Variants in MNAT1 observed in about 807,000 individuals in gnomAD.
MNAT1 encodes CDK-activating kinase assembly factor MAT1.
MNAT1 carries 43 observed loss-of-function variants against 42.0 expected under a neutral mutation model. The observed-to-expected ratio is 1.02, with a 90% CI of 0.80 to 1.32. MNAT1 has a LOEUF of 1.32. Ranked by LOEUF, MNAT1 falls within the 40% of genes most tolerant of loss-of-function variation. The pLI, the probability that MNAT1 is intolerant of heterozygous loss-of-function variation, is 0.00. For missense variants in MNAT1, 306 were observed against 350.4 expected (o/e 0.87, Z 1.01); for synonymous variants, 118 against 120.0 (o/e 0.98, Z 0.11).
At chr14:60,742,257 T>C (rs1228931858) in intron 1 of MNAT1, among the ~76,000 whole-genome samples, 1 of 152,090 alleles carries the variant, frequency 6.6e-6, no homozygotes, top group East Asian at 1.9e-4. Flanking sequence ...AGCTAATTTT[T>C]AATTTTTTTT....
intron 1 of MNAT1, 37 bp from the exon 2 acceptor site, chr14:60,796,180 T>C (rs1454820760): frequency 1.3e-6 from 2 of 1,578,024 alleles, no homozygotes; most frequent in Non-Finnish European, 1.7e-6. Flanking sequence ...GATTTGAACA[T>C]TGGCTTAAAT....
intron 7 of MNAT1, among the ~76,000 whole-genome samples, chr14:60,961,506 T>C (rs1347235074): frequency 6.6e-6 from 1 of 152,224 alleles, no homozygotes; most frequent in Non-Finnish European, 1.5e-5. Flanking sequence ...TAGCTAATTT[T>C]ATCTCTTTGG....
intron 1 of MNAT1, among the ~76,000 whole-genome samples, chr14:60,792,247 T>A (rs1285146356): frequency 6.6e-6 from 1 of 152,190 alleles, no homozygotes; most frequent in East Asian, 1.9e-4. Context: ...CCTCTAAAAT[T>A]TCTATGATTC....
intron 6 of MNAT1, among the ~76,000 whole-genome samples, chr14:60,842,889 C>T (rs1334303554): frequency 6.6e-6 from 1 of 152,138 alleles, no homozygotes; most frequent in Non-Finnish European, 1.5e-5. Flanking sequence ...CATGAGAGAG[C>T]ATCCTATTGC....
At chr14:60,921,805 G>A (rs370414094) in intron 7 of MNAT1, among the ~76,000 whole-genome samples, 1 of 152,218 alleles carries the variant, frequency 6.6e-6, no homozygotes, top group African/African-American at 2.4e-5. Context: ...CTAAAGAACA[G>A]GAATGGAAAA....
chr14:60,856,471 A>T (rs570522271), intron 6 of MNAT1, among the ~76,000 whole-genome samples: 1 of 152,318 alleles, frequency 6.6e-6, no homozygotes, highest in Non-Finnish European at 1.5e-5. Context: ...GAAAGATGCC[A>T]TTTCTATAAC....
intron 1 of MNAT1, among the ~76,000 whole-genome samples, chr14:60,775,151 A>T (rs1340776716): frequency 6.6e-6 from 1 of 152,184 alleles, no homozygotes; most frequent in East Asian, 1.9e-4. Flanking sequence ...AGAAAGAGAG[A>T]CAGGTAATAG....
At chr14:60,839,608 C>G (rs1305534786) in intron 6 of MNAT1, among the ~76,000 whole-genome samples, 1 of 152,220 alleles carries the variant, frequency 6.6e-6, no homozygotes, top group African/African-American at 2.4e-5. Flanking sequence ...AGAAGAGCTG[C>G]AGCTCTGCAG....
intron 7 of MNAT1, among the ~76,000 whole-genome samples, chr14:60,961,970 A>C (rs1258395879): frequency 1.3e-5 from 2 of 152,192 alleles, no homozygotes; most frequent in Non-Finnish European, 2.9e-5. Flanking sequence ...AAGCTAGTAC[A>C]TTTATTTTTA....
intron 6 of MNAT1, among the ~76,000 whole-genome samples, chr14:60,867,557 T>G (rs996181027): frequency 1.3e-5 from 2 of 152,168 alleles, no homozygotes; most frequent in African/African-American, 4.8e-5. Context: ...TGTGCATTTT[T>G]TTCTACTGGC....
Position 60,769,309 on chromosome 14 carries a change from G to GT in MNAT1, c.90-26906dup, listed in dbSNP as rs1237494546. ...AAAAAATTTGAAACAGGATCTTGCTGTTACCCAGGGTAGAGTGCAGTGGGA... is the reference window on the plus strand; with the variant it reads ...AAAAAATTTGAAACAGGATCTTGCTGTTTACCCAGGGTAGAGTGCAGTGGGA... On this transcript the variant is annotated intron_variant, in intron 1 of 7. Coordinates refer to ENST00000261245, the MANE Select transcript of MNAT1 (RefSeq NM_002431.4). Among the ~76,000 whole-genome samples, 139 of 141,668 alleles carry GT rather than the reference G, an allele frequency of 9.8e-4. 2 individuals are homozygous for GT. The highest frequency in any genetic ancestry group is 3.8e-3 in the Middle Eastern group (1 of 260). The allele number at this position is 141,668 out of a possible 152,430, so 92.9% of individuals were successfully genotyped here. A position where few individuals can be genotyped will look rare whatever the true frequency, so the allele number is the denominator to read the frequency against.
At chr14:60,853,448 G>A (rs1461871601) in intron 6 of MNAT1, among the ~76,000 whole-genome samples, 2 of 152,172 alleles carry the variant, frequency 1.3e-5, no homozygotes, top group Non-Finnish European at 2.9e-5. Flanking sequence ...TTTTTGGGGT[G>A]AGATGATGGG....
chr14:60,875,840 A>G (rs1357459152), intron 6 of MNAT1, among the ~76,000 whole-genome samples: 1 of 152,120 alleles, frequency 6.6e-6, no homozygotes, highest in Non-Finnish European at 1.5e-5. Flanking sequence ...CTTAAGTATT[A>G]TCTTCCTTGG....
At chr14:60,750,892 A>C (rs1283040517) in intron 1 of MNAT1, among the ~76,000 whole-genome samples, 2 of 152,184 alleles carry the variant, frequency 1.3e-5, no homozygotes, top group African/African-American at 4.8e-5. Flanking sequence ...GAAATTATCT[A>C]AATATTAGCC....
chr14:60,873,878 T>C (rs1222611200), intron 6 of MNAT1, among the ~76,000 whole-genome samples: 1 of 152,228 alleles, frequency 6.6e-6, no homozygotes, highest in Non-Finnish European at 1.5e-5. Context: ...TTTTATGTTA[T>C]AATTGAACTG....
intron 7 of MNAT1, among the ~76,000 whole-genome samples, chr14:60,901,747 A>G (rs2035076638): frequency 6.6e-6 from 1 of 152,232 alleles, no homozygotes; most frequent in African/African-American, 2.4e-5. Context: ...AGCCGTGGAG[A>G]CTGAAGATAT....
chr14:60,931,675 G>A (rs758696484), intron 7 of MNAT1, among the ~76,000 whole-genome samples: 1 of 152,018 alleles, frequency 6.6e-6, no homozygotes, highest in Non-Finnish European at 1.5e-5. Flanking sequence ...TATTTAATAT[G>A]TAAGACCCTT....
At chr14:60,889,414 C>G (rs888419508) in intron 7 of MNAT1, among the ~76,000 whole-genome samples, 6 of 152,076 alleles carry the variant, frequency 3.9e-5, no homozygotes, top group African/African-American at 1.4e-4. Context: ...AAAGCTGAAA[C>G]TGGATCCCTT....
At chr14:60,939,962 A>C (rs2036105090) in intron 7 of MNAT1, among the ~76,000 whole-genome samples, 1 of 152,104 alleles carries the variant, frequency 6.6e-6, no homozygotes, top group African/African-American at 2.4e-5. Flanking sequence ...CTTCTTGTTG[A>C]ATTGATCCCT....
Sources: gnomAD v4.1 joint callset for allele counts (sites outside exome capture counted in the v4.1 genomes callset) on GRCh38, gnomAD v4.1.1 for gene constraint, MANE v1.5 for transcripts, NCBI Gene and HGNC (gene_info 2026-07-23, HGNC 2026-07-21) for gene names.